The following TAFA4 variants were observed in gnomAD, a reference collection of about 807,000 sequenced individuals.
TAFA4 encodes chemokine-like protein TAFA-4.
TAFA4 carries 20 observed loss-of-function variants against 21.1 expected under a neutral mutation model. The ratio of observed to expected loss-of-function variants is 0.95; its 90% CI spans 0.67 to 1.38. TAFA4 has a LOEUF of 1.38. TAFA4 is among the 40% of genes most tolerant of loss of function. The pLI is 0.00. For synonymous variants in TAFA4, 71 were observed against 67.4 expected (o/e 1.05, Z -0.26); for missense variants, 211 against 180.9 (o/e 1.17, Z -0.95).
chr3:68,927,701 C>T (rs899174521), intron 1 of TAFA4, among the ~76,000 whole-genome samples: 6 of 151,982 alleles, frequency 3.9e-5, no homozygotes, highest in Admixed American at 2.0e-4. Flanking sequence ...GAGTTCGACA[C>T]CAGCCTGGGG....
In TAFA4 at chr3:68,753,029, A is replaced by G. The variant is rs1383968960; in HGVS notation, c.131-11T>C. 4 of 1,610,398 alleles carry G rather than the reference A, an allele frequency of 2.5e-6. No homozygotes were observed. Among genetic ancestry groups the G allele is most frequent in the African/African-American group, 1.3e-5 (1 of 74,942 alleles). On this transcript the variant is annotated splice_polypyrimidine_tract_variant and intron_variant, in intron 3 of 5. Coordinates refer to ENST00000295569, the MANE Select transcript of TAFA4 (RefSeq NM_182522.5). ...TGATTTGGTGGTGACCTAGTTGGTA[A>G]TGGGGGAGAAAAACAAACCCAGTGC... is the stretch of plus-strand genomic sequence containing the variant.
At chr3:68,916,912 A>G (rs1167185390) in intron 1 of TAFA4, among the ~76,000 whole-genome samples, 2 of 152,176 alleles carry the variant, frequency 1.3e-5, no homozygotes, top group Non-Finnish European at 2.9e-5. Context: ...ACTTCTACAT[A>G]TATCTCCTAT....
At chr3:68,872,787 G>A (rs1243758059) in intron 3 of TAFA4, among the ~76,000 whole-genome samples, 3 of 152,106 alleles carry the variant, frequency 2.0e-5, no homozygotes, top group Non-Finnish European at 4.4e-5. Flanking sequence ...TTTTAGGTAG[G>A]GGATGTTGTA....
rs1303396360 is a variant in TAFA4 at position 68,841,333 on chromosome 3, AAAAT to A, written c.130+39393_130+39396del. Among the ~76,000 whole-genome samples, 3 of 72,612 alleles carry A rather than the reference AAAAT, an allele frequency of 4.1e-5. 1 individual carries two copies. Among genetic ancestry groups the A allele is most frequent in the Non-Finnish European group, 7.4e-5 (2 of 27,188 alleles). 47.6% of individuals were successfully genotyped at this position (72,612 alleles called of 152,430 possible). On this transcript the variant is annotated intron_variant, in intron 3 of 5. Coordinates refer to ENST00000295569, the MANE Select transcript of TAFA4 (RefSeq NM_182522.5). Reference sequence around the variant, plus strand: ...GCGAGACTCCGTCTCAAAAAAAAAAAAAATAAAAAAAAATAAAATCCACACACAT... The same window carrying A: ...GCGAGACTCCGTCTCAAAAAAAAAAAAAAAAAAAATAAAATCCACACACAT...
chr3:68,872,604 G>C (rs773629194), intron 3 of TAFA4, among the ~76,000 whole-genome samples: 8 of 152,008 alleles, frequency 5.3e-5, no homozygotes, highest in Admixed American at 5.2e-4. Flanking sequence ...GATCGATGTT[G>C]CAACTGTCCT....
Position 68,885,224 on chromosome 3 carries a change from A to T in TAFA4, c.-36T>A, listed in dbSNP as rs1397241562. On this transcript the variant is annotated 5_prime_UTR_variant, in exon 2 of 6. The change creates a premature stop within an existing upstream ORF in the 5' untranslated region. Transcript: ENST00000295569. ...TCTAGTCAAACACACTTATTCCAGG[A>T]TATATTTCAGAGTGACTCCAAATTC... is the stretch of plus-strand genomic sequence containing the variant. The T allele has an allele frequency of 6.2e-7, 1 of 1,606,840 alleles. No homozygotes were observed. The highest frequency in any genetic ancestry group is 8.5e-7 in the Non-Finnish European group (1 of 1,176,424).
chr3:68,846,217 T>A (rs1704789502), intron 3 of TAFA4, among the ~76,000 whole-genome samples: 2 of 152,062 alleles, frequency 1.3e-5, no homozygotes, highest in South Asian at 4.1e-4. Context: ...TCGTTCCTTT[T>A]CACTCTTTTT....
chr3:68,833,504 C>A (rs935427227), intron 3 of TAFA4, among the ~76,000 whole-genome samples: 1 of 151,952 alleles, frequency 6.6e-6, no homozygotes, highest in Non-Finnish European at 1.5e-5. Flanking sequence ...ATAAAAGGAC[C>A]AATATAAAGA....
At chr3:68,924,786 T>C (rs1190133691) in intron 1 of TAFA4, among the ~76,000 whole-genome samples, 1 of 152,116 alleles carries the variant, frequency 6.6e-6, no homozygotes, top group African/African-American at 2.4e-5. Context: ...ATGGCCAGCA[T>C]CCAGAGAAAG....
intron 3 of TAFA4, among the ~76,000 whole-genome samples, chr3:68,761,866 A>C (rs1372502548): frequency 6.6e-6 from 1 of 152,154 alleles, no homozygotes; most frequent in Non-Finnish European, 1.5e-5. Context: ...AGAGGCTTCT[A>C]GATGTGGAGA....
chr3:68,915,162 C>G (rs2089992539), intron 1 of TAFA4, among the ~76,000 whole-genome samples: 1 of 152,172 alleles, frequency 6.6e-6, no homozygotes, highest in Non-Finnish European at 1.5e-5. Flanking sequence ...TACTAAGAGG[C>G]TATTCTCAAA....
intron 3 of TAFA4, among the ~76,000 whole-genome samples, chr3:68,826,827 A>T (rs1704250361): frequency 6.6e-6 from 1 of 152,158 alleles, no homozygotes. Flanking sequence ...TTACTCAGGA[A>T]TATTATAACA....
chr3:68,878,120 A>G (rs1053993754), intron 3 of TAFA4, among the ~76,000 whole-genome samples: 1 of 152,064 alleles, frequency 6.6e-6, no homozygotes, highest in African/African-American at 2.4e-5. Flanking sequence ...TTTTCCAGGG[A>G]CTTTATGCCA....
chr3:68,741,047 T>C (rs1298014016), intron 4 of TAFA4, among the ~76,000 whole-genome samples: 1 of 152,236 alleles, frequency 6.6e-6, no homozygotes, highest in African/African-American at 2.4e-5. Flanking sequence ...TTTTGGTAAC[T>C]ATAGCTTTGT....
intron 3 of TAFA4, among the ~76,000 whole-genome samples, chr3:68,857,846 G>T (rs1175653944): frequency 6.6e-6 from 1 of 151,344 alleles, no homozygotes; most frequent in Non-Finnish European, 1.5e-5. Flanking sequence ...ACAAAGAAAA[G>T]AAGAGGTGGG....
chr3:68,807,810 C>T (rs1274707972), intron 3 of TAFA4, among the ~76,000 whole-genome samples: 4 of 152,076 alleles, frequency 2.6e-5, no homozygotes, highest in Non-Finnish European at 4.4e-5. Flanking sequence ...GTTCACCAAC[C>T]TAACACACCT....
intron 1 of TAFA4, among the ~76,000 whole-genome samples, chr3:68,917,342 G>A (rs1382343891): frequency 6.6e-6 from 1 of 152,130 alleles, no homozygotes; most frequent in Non-Finnish European, 1.5e-5. Context: ...TGAGACTGTG[G>A]TGGTTCTACA....
At chr3:68,820,986 G>C (rs2106862397) in intron 3 of TAFA4, among the ~76,000 whole-genome samples, 1 of 152,270 alleles carries the variant, frequency 6.6e-6, no homozygotes, top group African/African-American at 2.4e-5. Flanking sequence ...CCACAAGGTG[G>C]TACCAAATGA....
chr3:68,745,410 CTATTTTT>C (rs1275990139), intron 4 of TAFA4, among the ~76,000 whole-genome samples: 1 of 152,158 alleles, frequency 6.6e-6, no homozygotes, highest in East Asian at 1.9e-4. Context: ...CTTGTCACTT[CTATTTTT>C]AAAATAAAAT....
Sources: allele counts gnomAD v4.1 joint callset (sites outside exome capture counted in the v4.1 genomes callset), GRCh38; gene constraint gnomAD v4.1.1; transcripts MANE v1.5; gene names NCBI Gene and HGNC (gene_info 2026-07-23, HGNC 2026-07-21).